The following SV2C variants were observed in gnomAD, a reference collection of about 807,000 sequenced individuals.
SV2C encodes synaptic vesicle glycoprotein 2C.
In SV2C, 49 loss-of-function variants were observed where a neutral mutation model predicts 79.7. The ratio of observed to expected loss-of-function variants is 0.61; its 90% CI spans 0.49 to 0.78. SV2C has a LOEUF of 0.78. Among genes scored for constraint, SV2C ranks in the 30% least tolerant of loss-of-function variants. The pLI, the probability that SV2C is intolerant of heterozygous loss-of-function variation, is 0.00. For missense variants in SV2C, 833 were observed against 912.9 expected, an observed-to-expected ratio of 0.91 and a Z score of 1.13; for synonymous variants, 334 against 333.2, an observed-to-expected ratio of 1.00 and a Z score of -0.03.
intron 2 of SV2C, among the ~76,000 whole-genome samples, chr5:76,162,940 T>C (rs1216636205): frequency 6.6e-6 from 1 of 152,198 alleles, no homozygotes; most frequent in Admixed American, 6.5e-5. Context: ...AATACAACAT[T>C]TCCAAAATGA....
chr5:76,214,076 A>G (rs1744845602), intron 4 of SV2C, among the ~76,000 whole-genome samples: 1 of 152,022 alleles, frequency 6.6e-6, no homozygotes, highest in Non-Finnish European at 1.5e-5. Context: ...CAAAATTCCA[A>G]TATGTGCATA....
At chr5:76,271,412 G>A (rs1168013651) in intron 4 of SV2C, among the ~76,000 whole-genome samples, 6 of 152,092 alleles carry the variant, frequency 3.9e-5, no homozygotes, top group Non-Finnish European at 5.9e-5. Flanking sequence ...ATGACAAATA[G>A]GAGGAAAAAA....
the SV2C span, among the ~76,000 whole-genome samples, chr5:75,852,901 T>C: frequency 6.6e-6 from 1 of 150,710 alleles, no homozygotes; most frequent in South Asian, 2.1e-4. Flanking sequence ...CTGGTATCAG[T>C]AGAAAGCTTG....
the SV2C span, among the ~76,000 whole-genome samples, chr5:75,987,730 A>G: frequency 6.6e-6 from 1 of 152,054 alleles, no homozygotes. Flanking sequence ...TGATAAAACA[A>G]GTGTATTCTT....
chr5:76,046,830 C>T, the SV2C span, among the ~76,000 whole-genome samples: 15 of 152,328 alleles, frequency 9.8e-5, no homozygotes, highest in South Asian at 1.9e-3. Flanking sequence ...TAGGGGAGGT[C>T]GCAGTATGAC....
chr5:76,143,729 G>C (rs145317287), intron 2 of SV2C, among the ~76,000 whole-genome samples: 9 of 152,238 alleles, frequency 5.9e-5, no homozygotes, highest in African/African-American at 2.2e-4. Context: ...TCCTAGTAGT[G>C]GTTCTACATC....
the SV2C span, among the ~76,000 whole-genome samples, chr5:75,862,063 A>C: frequency 6.6e-6 from 1 of 152,230 alleles, no homozygotes; most frequent in East Asian, 1.9e-4. Flanking sequence ...TGCCTGTTAC[A>C]TCATAAATAA....
intron 11 of SV2C, 116 bp from the exon 12 acceptor site, chr5:76,301,270 C>T (rs1747988318): frequency 2.9e-6 from 4 of 1,371,982 alleles, no homozygotes; most frequent in African/African-American, 1.4e-5. Context: ...TTATGGAGCC[C>T]ATCCTGCAGC....
chr5:76,302,815 C>T (rs1249627699), intron 12 of SV2C, among the ~76,000 whole-genome samples: 1 of 151,744 alleles, frequency 6.6e-6, no homozygotes, highest in African/African-American at 2.4e-5. Flanking sequence ...TGTACCACTC[C>T]TGTGCTATGT....
At chr5:76,265,706 T>C (rs1257226204) in intron 4 of SV2C, among the ~76,000 whole-genome samples, 1 of 151,894 alleles carries the variant, frequency 6.6e-6, no homozygotes, top group Non-Finnish European at 1.5e-5. Context: ...TTCCCTTGGA[T>C]GGGAAAGGGA....
intron 4 of SV2C, among the ~76,000 whole-genome samples, chr5:76,214,773 T>C (rs897695212): frequency 1.3e-5 from 2 of 152,226 alleles, no homozygotes; most frequent in African/African-American, 4.8e-5. Flanking sequence ...TTTATTCTTT[T>C]TGATGCTATT....
At chr5:76,067,150 CTGAG>C in the SV2C span, among the ~76,000 whole-genome samples, 6 of 151,926 alleles carry the variant, frequency 3.9e-5, no homozygotes, top group African/African-American at 1.5e-4. Context: ...TTGTATTTTA[CTGAG>C]TATTAGTAAA....
chr5:76,046,896 C>T, the SV2C span, among the ~76,000 whole-genome samples: 5 of 152,308 alleles, frequency 3.3e-5, no homozygotes, highest in African/African-American at 9.6e-5. Context: ...TCACCCATTA[C>T]GGAAATTGGG....
the SV2C span, among the ~76,000 whole-genome samples, chr5:76,033,439 G>A: frequency 6.6e-6 from 1 of 152,182 alleles, no homozygotes; most frequent in African/African-American, 2.4e-5. Context: ...GTGTAAGGAA[G>A]GGATCCAGTT....
At chr5:76,268,644 C>A (rs1430459445) in intron 4 of SV2C, among the ~76,000 whole-genome samples, 1 of 152,176 alleles carries the variant, frequency 6.6e-6, no homozygotes, top group African/African-American at 2.4e-5. Flanking sequence ...ATGGTTATTA[C>A]TTTTCTGTGG....
chr5:75,946,855 C>A, the SV2C span, among the ~76,000 whole-genome samples: 1 of 152,028 alleles, frequency 6.6e-6, no homozygotes, highest in African/African-American at 2.4e-5. Flanking sequence ...ATGACTCTAT[C>A]CATTCATGAG....
intron 1 of SV2C, among the ~76,000 whole-genome samples, chr5:76,106,046 C>A (rs1370841261): frequency 2.0e-5 from 3 of 152,148 alleles, no homozygotes; most frequent in Non-Finnish European, 2.9e-5. Context: ...CTCAGCATCT[C>A]CATTGGATGT....
chr5:76,261,382 C>T (rs1374731690), intron 4 of SV2C, among the ~76,000 whole-genome samples: 1 of 152,178 alleles, frequency 6.6e-6, no homozygotes, highest in Non-Finnish European at 1.5e-5. Context: ...AACATGTCAT[C>T]TGCAAACAGA....
chr5:76,109,253 AATATC>A (rs931308572), intron 1 of SV2C, among the ~76,000 whole-genome samples: 5 of 152,174 alleles, frequency 3.3e-5, no homozygotes, highest in Non-Finnish European at 5.9e-5. Context: ...TTTCTAGTCT[AATATC>A]AGAAGAGTTG....
Sources: allele counts gnomAD v4.1 joint callset (sites outside exome capture counted in the v4.1 genomes callset), GRCh38; gene constraint gnomAD v4.1.1; transcripts MANE v1.5; gene names NCBI Gene and HGNC (gene_info 2026-07-23, HGNC 2026-07-21).